The following LYRM4 variants were observed in gnomAD, a reference collection of about 807,000 sequenced individuals.
LYRM4 encodes the protein LYR motif-containing protein 4.
Under a neutral mutation model 11.7 loss-of-function variants are expected in LYRM4, and 9 were observed. The ratio of observed to expected loss-of-function variants is 0.77; its 90% CI spans 0.46 to 1.34. The LOEUF (loss-of-function observed/expected upper bound fraction) is 1.34, where lower values mean the gene tolerates loss of function less well. Ranked by LOEUF, LYRM4 falls within the 40% of genes most tolerant of loss-of-function variation. LYRM4 has a pLI of 0.00. For synonymous variants in LYRM4, 42 were observed against 40.4 expected (o/e 1.04, Z -0.15); for missense variants, 133 against 112.5 (o/e 1.18, Z -0.82).
the LYRM4 span, among the ~76,000 whole-genome samples, chr6:5,064,484 T>C: frequency 6.6e-6 from 1 of 152,254 alleles, no homozygotes; most frequent in Non-Finnish European, 1.5e-5. Flanking sequence ...ACAATGAATA[T>C]GAATGTAATG....
chr6:5,169,729 T>C (rs1459687442), intron 2 of LYRM4, among the ~76,000 whole-genome samples: 1 of 152,218 alleles, frequency 6.6e-6, no homozygotes. Context: ...CACGCTGACT[T>C]ATTCGCTTGC....
chr6:5,128,977 A>G (rs1240253326), intron 2 of LYRM4, among the ~76,000 whole-genome samples: 1 of 152,166 alleles, frequency 6.6e-6, no homozygotes, highest in African/African-American at 2.4e-5. Context: ...CTCCTTACAT[A>G]TGCGCTTGCT....
chr6:5,150,150 C>G (rs1404144900), intron 2 of LYRM4, among the ~76,000 whole-genome samples: 2 of 152,160 alleles, frequency 1.3e-5, no homozygotes, highest in Non-Finnish European at 2.9e-5. Flanking sequence ...CATAAAAGCT[C>G]AATACGTAAG....
chr6:5,089,140 T>C, the LYRM4 span: 3 of 152,198 alleles, frequency 2.0e-5, no homozygotes, highest in Non-Finnish European at 2.9e-5. Flanking sequence ...TCAATGGTCA[T>C]ATCAATGAAC....
intron 2 of LYRM4, among the ~76,000 whole-genome samples, chr6:5,141,595 A>G (rs1757413088): frequency 6.6e-6 from 1 of 152,200 alleles, no homozygotes; most frequent in East Asian, 1.9e-4. Flanking sequence ...GAAAAAGTTT[A>G]ACTGATAATT....
At chr6:5,039,243 C>T in the LYRM4 span, among the ~76,000 whole-genome samples, 1 of 151,992 alleles carries the variant, frequency 6.6e-6, no homozygotes, top group Admixed American at 6.6e-5. Flanking sequence ...ATTGTTTTGT[C>T]TTAGAATTTC....
chr6:5,037,799 C>G, the LYRM4 span, among the ~76,000 whole-genome samples: 1 of 64,038 alleles, frequency 1.6e-5, no homozygotes, highest in African/African-American at 4.1e-5. Flanking sequence ...GACGGGGCGG[C>G]TGGCCGGGCA....
In LYRM4 at chr6:5,180,803, C is replaced by T. The variant is rs114574684; in HGVS notation, c.207+35815G>A. Among the ~76,000 whole-genome samples the T allele has an allele frequency of 6.0e-3, 908 of 152,270 alleles. 11 individuals are homozygous for T. The highest frequency in any genetic ancestry group is 0.043 in the South Asian group (209 of 4,824). ...AATCCTAGCCTGGGGAAGATGGCAC[C>T]AATCTCTCTCTCCCATGTGCGCCAG... On this transcript the variant is annotated intron_variant, in intron 2 of 2. Transcript: ENST00000330636.
At chr6:5,065,395 G>A in the LYRM4 span, among the ~76,000 whole-genome samples, 1 of 152,034 alleles carries the variant, frequency 6.6e-6, no homozygotes, top group South Asian at 2.1e-4. Context: ...TGTAGTACTT[G>A]ACAATACATT....
At chr6:5,160,487 T>C (rs1358470945) in intron 2 of LYRM4, among the ~76,000 whole-genome samples, 1 of 152,010 alleles carries the variant, frequency 6.6e-6, no homozygotes, top group Non-Finnish European at 1.5e-5. Flanking sequence ...AGTGACTAAG[T>C]CTCACAAAAT....
At chr6:5,123,165 C>T (rs1457348814) in intron 2 of LYRM4, among the ~76,000 whole-genome samples, 4 of 152,222 alleles carry the variant, frequency 2.6e-5, no homozygotes, top group Admixed American at 6.5e-5. Context: ...CAGGGCCTGA[C>T]AGGGCCTCAG....
chr6:5,055,729 T>C, the LYRM4 span, among the ~76,000 whole-genome samples: 2 of 152,176 alleles, frequency 1.3e-5, no homozygotes, highest in Non-Finnish European at 2.9e-5. The surrounding 1 kb of genome is among the most constrained non-coding windows in gnomAD (Gnocchi z 4.5). Flanking sequence ...GAAAGGATCC[T>C]TAGCTAAGAC....
chr6:5,190,739 T>A (rs964699092), intron 2 of LYRM4, among the ~76,000 whole-genome samples: 1 of 152,172 alleles, frequency 6.6e-6, no homozygotes, highest in African/African-American at 2.4e-5. Context: ...ATGTTAAATC[T>A]AGTGTCTGCA....
chr6:5,157,036 C>T (rs564047021), intron 2 of LYRM4, among the ~76,000 whole-genome samples: 76 of 152,262 alleles, frequency 5.0e-4, no homozygotes, highest in Middle Eastern at 3.4e-3. Flanking sequence ...GCCCACTTTC[C>T]AGAATTTCCC....
intron 2 of LYRM4, among the ~76,000 whole-genome samples, chr6:5,124,439 G>A (rs1763609768): frequency 6.6e-6 from 1 of 152,162 alleles, no homozygotes; most frequent in African/African-American, 2.4e-5. Flanking sequence ...CAGACACAGG[G>A]CTGAGTTCTT....
chr6:5,112,694 G>A (rs181499849), intron 2 of LYRM4, among the ~76,000 whole-genome samples: 1 of 152,196 alleles, frequency 6.6e-6, no homozygotes, highest in African/African-American at 2.4e-5. Flanking sequence ...CATCTGGAAT[G>A]TGCTAGCATG....
At chr6:5,105,962 C>T (rs1225187212), downstream of LYRM4, 1 of 152,462 alleles carries the variant, frequency 6.6e-6, no homozygotes, top group African/African-American at 2.4e-5. Context: ...CCCTTTAGTT[C>T]TTTGCATGGA....
At chr6:5,055,842 G>C in the LYRM4 span, among the ~76,000 whole-genome samples, 1 of 152,134 alleles carries the variant, frequency 6.6e-6, no homozygotes, top group African/African-American at 2.4e-5. This position sits in a 1 kb window ranked among gnomAD's most constrained non-coding sequence, Gnocchi z 4.5. Context: ...ACATAACCTT[G>C]AAACAGTTAA....
At chr6:5,097,204 C>T in the LYRM4 span, among the ~76,000 whole-genome samples, 5 of 152,212 alleles carry the variant, frequency 3.3e-5, no homozygotes, top group Non-Finnish European at 4.4e-5. Context: ...GTGAGGGGGC[C>T]GAGCAGGCTT....
Sources: allele counts gnomAD v4.1 joint callset (sites outside exome capture counted in the v4.1 genomes callset), GRCh38; gene constraint gnomAD v4.1.1; non-coding constraint Gnocchi (gnomAD v3.1); transcripts MANE v1.5; gene names NCBI Gene and HGNC (gene_info 2026-07-23, HGNC 2026-07-21).